Variants in NRG1 observed in about 807,000 individuals in gnomAD.
NRG1 encodes neuregulin 1.
Under a neutral mutation model 63.8 loss-of-function variants are expected in NRG1, and 18 were observed. The ratio of observed to expected loss-of-function variants is 0.28; its 90% CI spans 0.19 to 0.42. The LOEUF is 0.42. Among genes scored for constraint, NRG1 ranks in the 10% least tolerant of loss-of-function variants. NRG1 has a pLI of 1.00. For synonymous variants in NRG1, 302 were observed against 301.3 expected (o/e 1.00, Z -0.02); for missense variants, 762 against 814.7 (o/e 0.94, Z 0.79).
At chr8:32,546,334 T>G (rs570740460), upstream of NRG1, among the ~76,000 whole-genome samples, 3 of 151,996 alleles carry the variant, frequency 2.0e-5, no homozygotes, top group Non-Finnish European at 4.4e-5. Flanking sequence ...GAAAATCTTA[T>G]TTTTTAAAAA....
intron 1 of NRG1, among the ~76,000 whole-genome samples, chr8:32,314,058 C>G (rs1336808781): frequency 1.3e-5 from 2 of 152,092 alleles, no homozygotes; most frequent in African/African-American, 4.8e-5. Context: ...TGCATCATCT[C>G]AGGGCAAGAG....
At position 32,363,317 on chromosome 8, in the gene NRG1, G is replaced by A. The variant is rs143731957; in HGVS notation, c.38-232511G>A. Among the ~76,000 whole-genome samples the A allele has an allele frequency of 4.9e-4, 74 of 152,302 alleles. 1 individual carries two copies. Among genetic ancestry groups the A allele is most frequent in the African/African-American group, 1.8e-3 (74 of 41,570 alleles). The stretch of plus-strand genomic sequence containing the variant: ...CCTCACTATGTTGCTGTGAGCATCT[G>A]TTGAAGTAGTGGCTATTCGAGTGCA... On this transcript the variant is annotated intron_variant, in intron 1 of 10. Transcript: ENST00000519301.
chr8:32,000,158 T>C (rs1275508481), intron 1 of NRG1, among the ~76,000 whole-genome samples: 1 of 152,006 alleles, frequency 6.6e-6, no homozygotes, highest in Non-Finnish European at 1.5e-5. Context: ...CTTTATTGTG[T>C]AAACAGTGGC....
At chr8:32,325,667 A>G (rs988926709) in intron 1 of NRG1, among the ~76,000 whole-genome samples, 3 of 152,104 alleles carry the variant, frequency 2.0e-5, no homozygotes, top group African/African-American at 7.2e-5. Flanking sequence ...GCATGTGCCC[A>G]CACCTGGCCT....
At chr8:32,313,699 CAT>C (rs1857067733) in intron 1 of NRG1, among the ~76,000 whole-genome samples, 1 of 152,102 alleles carries the variant, frequency 6.6e-6, no homozygotes, top group Non-Finnish European at 1.5e-5. Context: ...TTTTAACACA[CAT>C]ATATATTTCT....
chr8:32,735,809 C>A (rs1824895790), intron 6 of NRG1, among the ~76,000 whole-genome samples: 2 of 152,168 alleles, frequency 1.3e-5, no homozygotes, highest in Admixed American at 1.3e-4. Context: ...AAGGTTCAAA[C>A]AAGAAGTTAA....
At chr8:31,934,713 T>C (rs1835159475) in intron 1 of NRG1, among the ~76,000 whole-genome samples, 1 of 152,140 alleles carries the variant, frequency 6.6e-6, no homozygotes, top group African/African-American at 2.4e-5. Flanking sequence ...AATGAAACTT[T>C]TTTTGTGTTT....
intron 1 of NRG1, among the ~76,000 whole-genome samples, chr8:31,712,373 A>G (rs1156517815): frequency 6.8e-6 from 1 of 147,598 alleles, no homozygotes. Flanking sequence ...GGTTCAAGCG[A>G]TTCTCCTGCC....
intron 1 of NRG1, among the ~76,000 whole-genome samples, chr8:32,090,056 A>G (rs893613434): frequency 1.3e-5 from 2 of 152,216 alleles, no homozygotes; most frequent in Admixed American, 6.5e-5. Context: ...TATATTGACA[A>G]GAGCATAAAT....
chr8:32,160,181 T>A (rs1838669037), intron 1 of NRG1, among the ~76,000 whole-genome samples: 1 of 152,212 alleles, frequency 6.6e-6, no homozygotes, highest in Admixed American at 6.5e-5. Context: ...CCACTGTAAG[T>A]GTGCTGGCTT....
At position 32,069,964 on chromosome 8, in the gene NRG1, C is replaced by T. The variant is rs113810178; in HGVS notation, c.37+430533C>T. Among the ~76,000 whole-genome samples the T allele has an allele frequency of 2.7e-3, 408 of 152,242 alleles. 3 individuals carry two copies. The highest frequency in any genetic ancestry group is 9.4e-3 in the African/African-American group (389 of 41,554). On this transcript the variant is annotated intron_variant, in intron 1 of 10. Transcript: ENST00000519301. ...GAATGTAATTAGAGCAGTTCATCCT[C>T]GGTAGAGAGTCCTTTGTGGTTCCCA...
chr8:31,844,752 C>G (rs2129608211), intron 1 of NRG1, among the ~76,000 whole-genome samples: 1 of 152,026 alleles, frequency 6.6e-6, no homozygotes, highest in African/African-American at 2.4e-5. Flanking sequence ...TTTAAAAATG[C>G]CTCTGTAGGC....
intron 1 of NRG1, among the ~76,000 whole-genome samples, chr8:32,455,338 T>C (rs7000656): frequency 0.11 from 16,090 of 152,172 alleles, 1,214 homozygotes; most frequent in Admixed American, 0.24. Flanking sequence ...AAACCATCCT[T>C]TTTATGCCTA....
At chr8:32,262,121 C>G (rs905866914) in intron 1 of NRG1, among the ~76,000 whole-genome samples, 1 of 152,124 alleles carries the variant, frequency 6.6e-6, no homozygotes, top group South Asian at 2.1e-4. Flanking sequence ...TGAGCGTAAA[C>G]CACATGATGT....
intron 1 of NRG1, among the ~76,000 whole-genome samples, chr8:32,322,968 T>C (rs1481105081): frequency 6.6e-6 from 1 of 151,832 alleles, no homozygotes; most frequent in African/African-American, 2.4e-5. Flanking sequence ...AGTAAACACC[T>C]GGGAACTAGA....
chr8:32,583,295 T>TC (rs1167516218), intron 1 of NRG1, among the ~76,000 whole-genome samples: 2 of 152,138 alleles, frequency 1.3e-5, no homozygotes, highest in African/African-American at 4.8e-5. Flanking sequence ...AGGTGCTATT[T>TC]CCCCTCCTTT....
intron 1 of NRG1, among the ~76,000 whole-genome samples, chr8:32,108,207 A>C (rs34163151): frequency 2.0e-5 from 3 of 152,176 alleles, no homozygotes; most frequent in Non-Finnish European, 4.4e-5. Flanking sequence ...GGCAATTAAC[A>C]TTGCAGGTAG....
chr8:32,351,387 G>C (rs1412373994), intron 1 of NRG1, among the ~76,000 whole-genome samples: 1 of 152,158 alleles, frequency 6.6e-6, no homozygotes, highest in East Asian at 1.9e-4. Context: ...TATGGAAAGA[G>C]GATGATATGT....
At chr8:32,409,498 A>G (rs1814583640) in intron 1 of NRG1, among the ~76,000 whole-genome samples, 1 of 152,252 alleles carries the variant, frequency 6.6e-6, no homozygotes, top group Non-Finnish European at 1.5e-5. Flanking sequence ...AAATACTTGC[A>G]AAGTACACAT....
Sources: allele counts gnomAD v4.1 joint callset (sites outside exome capture counted in the v4.1 genomes callset), GRCh38; gene constraint gnomAD v4.1.1; transcripts MANE v1.5; gene names NCBI Gene and HGNC (gene_info 2026-07-23, HGNC 2026-07-21).